The following MAP4K5 variants were observed in gnomAD, a reference collection of about 807,000 sequenced individuals.
MAP4K5 encodes MAPK/ERK kinase kinase kinase 5.
Under a neutral mutation model 135.6 loss-of-function variants are expected in MAP4K5, and 82 were observed. That is an observed-to-expected ratio of 0.60 (90% CI 0.51 to 0.73). The LOEUF is 0.73. MAP4K5 is among the 30% of genes least tolerant of loss of function. MAP4K5 has a pLI of 0.00. For missense variants in MAP4K5, 907 were observed against 1,010.9 expected, an observed-to-expected ratio of 0.90 and a Z score of 1.39; for synonymous variants, 347 against 335.0, an observed-to-expected ratio of 1.04 and a Z score of -0.39.
At chr14:50,480,663 T>G (rs2037219002) in intron 6 of MAP4K5, among the ~76,000 whole-genome samples, 1 of 152,158 alleles carries the variant, frequency 6.6e-6, no homozygotes, top group Non-Finnish European at 1.5e-5. Flanking sequence ...CACATAACAA[T>G]AGGGATGCAT....
chr14:50,533,996 G>A (rs528063405), upstream of MAP4K5, among the ~76,000 whole-genome samples: 1 of 152,296 alleles, frequency 6.6e-6, no homozygotes, highest in Non-Finnish European at 1.5e-5. Flanking sequence ...TTGAAGAACA[G>A]TTCCTTCTTT....
At chr14:50,468,351 CTT>C (rs1566660539) in intron 10 of MAP4K5, 2 of 254,964 alleles carry the variant, frequency 7.8e-6, no homozygotes, top group African/African-American at 4.5e-5. Flanking sequence ...ACAATTTACT[CTT>C]ATGTTGTTTT....
At position 50,491,377 on chromosome 14, in the gene MAP4K5, C is replaced by T. The variant is rs147009388; in HGVS notation, c.167-5183G>A. 5.7e-3 allele frequency among the ~76,000 whole-genome samples: 858 copies of T among 149,574 alleles called. 9 individuals carry two copies. Among genetic ancestry groups the T allele is most frequent in the African/African-American group, 0.02 (795 of 40,484 alleles). ...TCGCTCTGTCACCCAGGCTAAAGTG[C>T]AGTGGTGTGATCTCAGCTCACTGCA... On this transcript the variant is annotated intron_variant, in intron 3 of 32. Transcript: ENST00000682126.
upstream of MAP4K5, among the ~76,000 whole-genome samples, chr14:50,536,430 CTG>C (rs1566703212): frequency 2.1e-5 from 2 of 94,254 alleles, no homozygotes; most frequent in Non-Finnish European, 4.1e-5. Context: ...GAGCAAAACT[CTG>C]TCTCAAAAAA....
At chr14:50,557,564 T>C (rs2038779753) in intron 1 of MAP4K5, among the ~76,000 whole-genome samples, 1 of 152,248 alleles carries the variant, frequency 6.6e-6, no homozygotes, top group Non-Finnish European at 1.5e-5. Flanking sequence ...CGTATATGTA[T>C]TATAATGTAT....
At chr14:50,450,204 C>T (rs2036451545) in intron 14 of MAP4K5, 2 of 152,188 alleles carry the variant, frequency 1.3e-5, no homozygotes, top group African/African-American at 2.4e-5. Context: ...ACCTAAGCCT[C>T]CCAAGGTGCT....
Position 50,532,000 on chromosome 14 carries a change from T to A in MAP4K5, c.50A>T (p.Gln17Leu), listed in dbSNP as rs1296277246. ...CCTCTGGACGAGTTCGTAGTCCTGC[T>A]GCGGGTTCCGCCTCAGGATGTCCGC... Reference protein sequence around the residue: ...PAADILRRNPQQDYELVQRVG... With the variant: ...PAADILRRNPLQDYELVQRVG... The change falls in exon 2 of 33, where the codon CAG becomes CTG. Residue 17 changes from glutamine to leucine, a missense_variant. By Grantham distance (113) the Gln-to-Leu change is moderately radical. This residue lies in a region of MAP4K5 where 196 missense variants were observed against 189.3 expected (regional missense o/e 1.04). Coordinates refer to ENST00000682126, the MANE Select transcript of MAP4K5 (RefSeq NM_006575.6). 1 of 1,601,096 alleles carries A rather than the reference T, an allele frequency of 6.2e-7. No individual in the cohort carries two copies. The highest frequency in any genetic ancestry group is 8.5e-7 in the Non-Finnish European group (1 of 1,173,978).
intron 2 of MAP4K5, among the ~76,000 whole-genome samples, chr14:50,525,709 T>G (rs957549113): frequency 1.3e-5 from 2 of 152,110 alleles, no homozygotes; most frequent in Admixed American, 1.3e-4. Context: ...TAACTGGGCA[T>G]GGCAGTGTGT....
intron 12 of MAP4K5, 140 bp downstream of exon 12, chr14:50,463,912 A>T (rs1235290518): frequency 2.6e-6 from 1 of 389,808 alleles, no homozygotes; most frequent in African/African-American, 2.2e-5. Flanking sequence ...AAAAAAAAAA[A>T]AAAAAAAAAA....
chr14:50,555,842 A>G (rs2038759218), intron 1 of MAP4K5, among the ~76,000 whole-genome samples: 1 of 152,224 alleles, frequency 6.6e-6, no homozygotes, highest in South Asian at 2.1e-4. Context: ...TACCGCCAAA[A>G]GCATTCTAAT....
rs376447575 is a variant in MAP4K5 at position 50,429,211 on chromosome 14, G to T, written c.2214C>A (p.Thr738=). The T allele has an allele frequency of 3.2e-6, 5 of 1,557,974 alleles. No homozygotes were observed. The highest frequency in any genetic ancestry group is 4.4e-6 in the Non-Finnish European group (5 of 1,148,986). The change falls in exon 29 of 33, where the codon ACC becomes ACA. Residue 738 remains threonine (T), a synonymous_variant. Coordinates refer to ENST00000682126, the MANE Select transcript of MAP4K5 (RefSeq NM_006575.6). ...ACTTACTGTCTAAACACACTAAAAC[G>T]GTATCTCTCTCCAACTGTGTTACAT... The part of the protein sequence containing the change: ...SIHVTQLERD[T]VLVCLDKFVK...
intron 2 of MAP4K5, among the ~76,000 whole-genome samples, chr14:50,525,769 G>A (rs967108440): frequency 6.6e-5 from 10 of 152,152 alleles, no homozygotes; most frequent in Admixed American, 6.5e-4. Flanking sequence ...ACTTGAGCCT[G>A]GGAGGCGGAG....
intron 2 of MAP4K5, among the ~76,000 whole-genome samples, chr14:50,518,547 A>G (rs1422083840): frequency 1.3e-5 from 2 of 152,294 alleles, no homozygotes; most frequent in South Asian, 2.1e-4. Flanking sequence ...CTTCCACACA[A>G]TTATACAGGT....
intron 13 of MAP4K5, among the ~76,000 whole-genome samples, chr14:50,459,900 A>G (rs1045550152): frequency 6.6e-6 from 1 of 151,962 alleles, no homozygotes; most frequent in East Asian, 1.9e-4. Context: ...GGGTTTCGCT[A>G]CGTTGCCCAG....
At chr14:50,448,713 AC>A in intron 15 of MAP4K5, 60 bp downstream of exon 15, 6 of 986,720 alleles carry the variant, frequency 6.1e-6, no homozygotes, top group South Asian at 6.1e-5. Flanking sequence ...AGTACAACTA[AC>A]AAAAAAAAAG....
At chr14:50,437,571 A>G in intron 25 of MAP4K5, 37 bp from the exon 26 acceptor site, 2 of 1,352,046 alleles carry the variant, frequency 1.5e-6, no homozygotes, top group South Asian at 2.6e-5. Flanking sequence ...ACTCTACAGT[A>G]GTGGTTACAA....
chr14:50,427,968 C>T (rs929454868), intron 30 of MAP4K5, among the ~76,000 whole-genome samples: 1 of 152,102 alleles, frequency 6.6e-6, no homozygotes, highest in Admixed American at 6.5e-5. Context: ...ACACAAATAC[C>T]TTCCTGACTG....
At chr14:50,430,129 C>G (rs2035936748) in intron 28 of MAP4K5, among the ~76,000 whole-genome samples, 3 of 151,976 alleles carry the variant, frequency 2.0e-5, no homozygotes, top group African/African-American at 7.3e-5. Context: ...TATTCACACA[C>G]ACACATATAT....
chr14:50,483,603 C>T (rs1336875483), intron 5 of MAP4K5, among the ~76,000 whole-genome samples: 14 of 150,146 alleles, frequency 9.3e-5, no homozygotes, highest in Admixed American at 8.0e-4. Flanking sequence ...TACTAACTAC[C>T]GGGATGGGTA....
Sources: gnomAD v4.1 joint callset for allele counts (sites outside exome capture counted in the v4.1 genomes callset) on GRCh38, gnomAD v4.1.1 for gene constraint, gnomAD v4.1.1 regional missense constraint, MANE v1.5 for transcripts, NCBI Gene and HGNC (gene_info 2026-07-23, HGNC 2026-07-21) for gene names.